VWA2: variants seen among roughly 807,000 people sequenced by gnomAD.
VWA2 encodes the protein von Willebrand factor A domain containing 2.
In VWA2, 73 loss-of-function variants were observed where a neutral mutation model predicts 70.4. That is an observed-to-expected ratio of 1.04 (90% CI 0.86 to 1.26). VWA2 has a LOEUF of 1.26. Ranked by LOEUF, VWA2 falls within the 50% of genes most tolerant of loss-of-function variation. The pLI is 0.00. For synonymous variants in VWA2, 407 were observed against 423.3 expected, an observed-to-expected ratio of 0.96 and a Z score of 0.47; for missense variants, 1,011 against 998.5, an observed-to-expected ratio of 1.01 and a Z score of -0.17.
At chr10:114,244,958 G>A (rs1486836253) in intron 1 of VWA2, among the ~76,000 whole-genome samples, 2 of 152,202 alleles carry the variant, frequency 1.3e-5, no homozygotes, top group Non-Finnish European at 2.9e-5. Flanking sequence ...TGGAGCTCCA[G>A]CAGAGACTAG....
In VWA2 at chr10:114,261,146, T is replaced by C. The variant is rs750686059; in HGVS notation, c.262-40T>C. The C allele has an allele frequency of 2.7e-6, 4 of 1,474,246 alleles. No homozygotes were observed. In the South Asian group the frequency reaches 4.7e-5, roughly 17 times the overall value. The allele number at this position is 1,474,246 out of a possible 1,614,324, so 91.3% of individuals were successfully genotyped here. On this transcript the variant is annotated intron_variant, in intron 4 of 13. Coordinates refer to ENST00000392982, the MANE Select transcript of VWA2 (RefSeq NM_001272046.2). ...CTTTCCTCTTAGGAATGTTTTTGAC[T>C]CCAGTCTCGGGGCCCTGAGCCCCCT...
chr10:114,258,771 T>G (rs2037382657), intron 4 of VWA2, among the ~76,000 whole-genome samples: 1 of 152,250 alleles, frequency 6.6e-6, no homozygotes, highest in Non-Finnish European at 1.5e-5. Context: ...GGAATCACTT[T>G]GTGCAAATAC....
Position 114,288,946 on chromosome 10 carries a change from A to G in VWA2, c.1579A>G (p.Thr527Ala). Residue 527 changes from threonine to alanine, a missense_variant, in exon 12 of 14, where the codon ACA becomes GCA. Coordinates refer to ENST00000392982, the MANE Select transcript of VWA2 (RefSeq NM_001272046.2). ...LCSRQRPGCR[T>A]QALDLVFMLD... ...TCTGCTTGCTCCTGCAGGGTGCCGGACACAAGCCCTGGACCTCGTCTTCAT... is the reference window on the plus strand; with the variant it reads ...TCTGCTTGCTCCTGCAGGGTGCCGGGCACAAGCCCTGGACCTCGTCTTCAT... 6.2e-7 allele frequency: 1 copy of G among 1,606,892 alleles called. No homozygotes were observed. The highest frequency in any genetic ancestry group is 1.1e-5 in the South Asian group (1 of 89,828).
In VWA2 at chr10:114,261,430, T is replaced by C. The variant is rs1823652003; in HGVS notation, c.371+135T>C. 5 of 586,970 alleles carry C rather than the reference T, an allele frequency of 8.5e-6. No individual in the cohort carries two copies. In the South Asian group the frequency reaches 1.3e-4, roughly 15 times the overall value. The allele number at this position is 586,970 out of a possible 1,614,324, so 36.4% of individuals were successfully genotyped here. On this transcript the variant is annotated intron_variant, in intron 5 of 13. Transcript: ENST00000392982. The stretch of plus-strand genomic sequence containing the variant: ...CTTTCAGGAGTCCAGCTGGGCACAG[T>C]TGGTCACATGAATTCCATTCTCAAG...
intron 1 of VWA2, among the ~76,000 whole-genome samples, chr10:114,244,438 C>T (rs80079829): frequency 0.011 from 1,647 of 152,314 alleles, 22 homozygotes; most frequent in African/African-American, 0.038. Flanking sequence ...GCTGTGTAAG[C>T]TGGGGCAGAA....
rs1399833745 is a variant in VWA2, at chr10:114,285,969, ACCT to A, written c.1033_1035del (p.Leu345del). On this transcript the variant is annotated inframe_deletion, in exon 11 of 14. Transcript: ENST00000392982. ...AAGCTGAGCCTGGAATGCAGGGTCG[ACCT>A]CCTCTTCCTGCTGGACAGCTCTGCG... 1 of 1,607,282 alleles carries A rather than the reference ACCT, an allele frequency of 6.2e-7. No individual in the cohort carries two copies. The highest frequency in any genetic ancestry group is 1.1e-5 in the South Asian group (1 of 90,492).
In VWA2 at chr10:114,289,383, T is replaced by C; in HGVS notation, c.2016T>C (p.Ser672=). 1.2e-6 allele frequency: 2 copies of C among 1,612,236 alleles called. No individual in the cohort carries two copies. Among genetic ancestry groups the C allele is most frequent in the African/African-American group, 1.3e-5 (1 of 75,054 alleles). ...TCGTGGGCGTGGGGCCTGTCCTAAG[T>C]GAGGGTCTGCGGAGGCTTGCAGGTC... ...VLVVGVGPVL[S]EGLRRLAGPR... is the part of the protein sequence containing the mutation. Residue 672 remains serine, a synonymous_variant, in exon 12 of 14, where the codon AGT becomes AGC. Coordinates refer to ENST00000392982, the MANE Select transcript of VWA2 (RefSeq NM_001272046.2).
At chr10:114,245,999 T>C in intron 1 of VWA2, 2 of 554,720 alleles carry the variant, frequency 3.6e-6, no homozygotes, top group South Asian at 3.2e-5. Flanking sequence ...TCTGAGAATA[T>C]TGGGTGGTCA....
At chr10:114,271,142 A>C (rs529909490) in intron 5 of VWA2, among the ~76,000 whole-genome samples, 3 of 152,042 alleles carry the variant, frequency 2.0e-5, no homozygotes, top group Non-Finnish European at 4.4e-5. Context: ...TCTTTAAGGG[A>C]TGGGATCGTG....
chr10:114,255,131 T>C (rs935041178), intron 4 of VWA2, 83 bp downstream of exon 4: 6 of 1,551,070 alleles, frequency 3.9e-6, no homozygotes, highest in Non-Finnish European at 4.4e-6. Context: ...AGAGGAGGCA[T>C]CTACTCGCTT....
chr10:114,285,883 A>C, intron 10 of VWA2, 56 bp from the exon 11 acceptor site: 1 of 1,495,868 alleles, frequency 6.7e-7, no homozygotes, highest in Non-Finnish European at 9.0e-7. Context: ...CGGGTGGGAC[A>C]GCTCGCATGC....
chr10:114,291,603 C>T lies in VWA2; in HGVS notation c.*366C>T, dbSNP rs576970575. On this transcript the variant is annotated 3_prime_UTR_variant, in exon 14 of 14. Coordinates refer to ENST00000392982, the MANE Select transcript of VWA2 (RefSeq NM_001272046.2). ...TGAAGACTTAAATTTAGCGGCCTGACGTTCCTTTGCACACAATCAATGCTC... is the reference window on the plus strand; with the variant it reads ...TGAAGACTTAAATTTAGCGGCCTGATGTTCCTTTGCACACAATCAATGCTC... 5.8e-4 allele frequency: 130 copies of T among 225,300 alleles called. No individual in the cohort carries two copies. Among genetic ancestry groups the T allele is most frequent in the Middle Eastern group, 1.6e-3 (1 of 616 alleles). 14.0% of individuals were successfully genotyped at this position (225,300 alleles called of 1,614,324 possible).
intron 4 of VWA2, 36 bp from the exon 5 acceptor site, chr10:114,261,138 TTTTTGACTCCAG>T (rs869118957): frequency 5.7e-6 from 8 of 1,409,750 alleles, no homozygotes; most frequent in African/African-American, 5.6e-5. Context: ...CTTAGGAATG[TTTTTGACTCCAG>T]TCTCGGGGCC....
intron 9 of VWA2, 46 bp downstream of exon 9, chr10:114,282,617 C>G (rs1404893056): frequency 2.6e-6 from 4 of 1,558,836 alleles, no homozygotes; most frequent in Non-Finnish European, 3.5e-6. Context: ...GGGCCCTGGG[C>G]CCAGGCTGCT....
At chr10:114,273,888 A>C (rs545832869) in intron 6 of VWA2, among the ~76,000 whole-genome samples, 2 of 152,370 alleles carry the variant, frequency 1.3e-5, no homozygotes, top group Non-Finnish European at 2.9e-5. Flanking sequence ...TAAAATGCAA[A>C]AGGGAAAAAT....
Position 114,286,087 on chromosome 10 carries a change from G to A in VWA2, c.1146G>A (p.Val382=). The A allele has an allele frequency of 6.2e-7, 1 of 1,614,148 alleles. No homozygotes were observed. The highest frequency in any genetic ancestry group is 8.5e-7 in the Non-Finnish European group (1 of 1,180,036). The change falls in exon 11 of 14, where the codon GTG becomes GTA. Residue 382 remains valine (V), a synonymous_variant. Transcript: ENST00000392982. The stretch of plus-strand genomic sequence containing the variant: ...TGAGCGAGGACTCTCGGGCCCGAGT[G>A]GGTGTGGCCACATACAGCAGGGAGC... ...AVLSEDSRAR[V]GVATYSRELL...
Position 114,248,774 on chromosome 10 carries a change from T to G in VWA2, c.52+9T>G. On this transcript the variant is annotated intron_variant, in intron 2 of 13. Coordinates refer to ENST00000392982, the MANE Select transcript of VWA2 (RefSeq NM_001272046.2). Reference sequence around the variant, plus strand: ...TTTCCTGTTTTCCAGAGGTAAGATGTGTTTATTGGTGGTGGGGAAGTACTG... The same window carrying G: ...TTTCCTGTTTTCCAGAGGTAAGATGGGTTTATTGGTGGTGGGGAAGTACTG... The G allele has an allele frequency of 6.2e-7, 1 of 1,613,018 alleles. No homozygotes were observed. Among genetic ancestry groups the G allele is most frequent in the Non-Finnish European group, 8.5e-7 (1 of 1,179,092 alleles).
intron 5 of VWA2, among the ~76,000 whole-genome samples, chr10:114,262,732 ACT>A (rs1250645902): frequency 2.0e-5 from 3 of 151,980 alleles, no homozygotes; most frequent in Non-Finnish European, 2.9e-5. Flanking sequence ...TTTATCTTAG[ACT>A]CTCTATCCCA....
chr10:114,263,213 C>A (rs1005795607), intron 5 of VWA2, among the ~76,000 whole-genome samples: 18 of 152,052 alleles, frequency 1.2e-4, no homozygotes, highest in Non-Finnish European at 2.5e-4. Context: ...TGGGGTTTCC[C>A]CATGTTGCCC....
Sources: allele counts gnomAD v4.1 joint callset (sites outside exome capture counted in the v4.1 genomes callset), GRCh38; gene constraint gnomAD v4.1.1; transcripts MANE v1.5; gene names NCBI Gene and HGNC (gene_info 2026-07-23, HGNC 2026-07-21).